Variants in IL17RA observed in about 807,000 individuals in gnomAD.
IL17RA encodes the protein interleukin-17 receptor A.
Under a neutral mutation model 50.4 loss-of-function variants are expected in IL17RA, and 34 were observed. The ratio of observed to expected loss-of-function variants is 0.67; its 90% CI spans 0.51 to 0.90. The LOEUF (loss-of-function observed/expected upper bound fraction) is 0.90, where lower values mean the gene tolerates loss of function less well. Ranked by LOEUF, IL17RA falls within the 40% of genes least tolerant of loss-of-function variation. The probability of loss-of-function intolerance (pLI) is 0.00; values close to 1 mark genes in which losing one functional copy is unlikely to be tolerated. For missense variants in IL17RA, 1,276 were observed against 1,169.8 expected (o/e 1.09, Z -1.32); for synonymous variants, 585 against 510.4 (o/e 1.15, Z -1.97).
chr22:17,106,737 T>C (rs1363500508), intron 11 of IL17RA, among the ~76,000 whole-genome samples: 1 of 152,124 alleles, frequency 6.6e-6, no homozygotes, highest in Non-Finnish European at 1.5e-5. Flanking sequence ...TTATTAATTA[T>C]TATGTGGTAG....
In IL17RA at chr22:17,102,221, T is replaced by C; in HGVS notation, c.681T>C (p.Ser227=). The change falls in exon 7 of 13, where the codon TCT becomes TCC. Residue 227 remains serine, a synonymous_variant. Transcript: ENST00000319363. ...LRVSFTLWNE[S]THYQILLTSF... The stretch of plus-strand genomic sequence containing the variant: ...TGAGCTTCACCCTGTGGAACGAATC[T>C]ACCCATTACCAGATCCTGCTGACCA... 3 of 1,614,188 alleles carry C rather than the reference T, an allele frequency of 1.9e-6. No homozygotes were observed. Among genetic ancestry groups the C allele is most frequent in the Non-Finnish European group, 2.5e-6 (3 of 1,180,024 alleles).
chr22:17,108,231 C>T, intron 12 of IL17RA, 76 bp from the exon 13 acceptor site: 12 of 1,469,012 alleles, frequency 8.2e-6, no homozygotes, highest in Non-Finnish European at 1.1e-5. Flanking sequence ...TGGTCCAGGC[C>T]CCTCCTGGGC....
chr22:17,089,286 C>T (rs151036273), intron 1 of IL17RA, among the ~76,000 whole-genome samples: 3 of 152,276 alleles, frequency 2.0e-5, no homozygotes, highest in African/African-American at 7.2e-5. Context: ...AGCAAAACTT[C>T]GTCATGCAAA....
chr22:17,090,309 C>T (rs557792971), intron 1 of IL17RA, among the ~76,000 whole-genome samples: 1 of 152,278 alleles, frequency 6.6e-6, no homozygotes, highest in East Asian at 1.9e-4. Context: ...CAGGCGTGAG[C>T]CATGAAATTA....
At chr22:17,096,726 C>G (rs1414454607) in intron 1 of IL17RA, among the ~76,000 whole-genome samples, 2 of 151,970 alleles carry the variant, frequency 1.3e-5, no homozygotes, top group Non-Finnish European at 1.5e-5. Flanking sequence ...AAAAAGTAGC[C>G]GGGCGTGGTG....
At position 17,088,895 on chromosome 22, in the gene IL17RA, A is replaced by G. The variant is rs556133679; in HGVS notation, c.138+3666A>G. 1.6e-4 allele frequency among the ~76,000 whole-genome samples: 24 copies of G among 151,318 alleles called. No individual in the cohort carries two copies. The South Asian group carries it at 5.0e-3, about 32-fold the overall frequency. The stretch of plus-strand genomic sequence containing the variant: ...ACTGCAACCTCCACTTCCCAGGCTC[A>G]AGCGATTCTCCTGCCTCAACCTCCC... On this transcript the variant is annotated intron_variant, in intron 1 of 12. Coordinates refer to ENST00000319363, the MANE Select transcript of IL17RA (RefSeq NM_014339.7).
chr22:17,090,011 T>C (rs1304319947), intron 1 of IL17RA, among the ~76,000 whole-genome samples: 2 of 152,104 alleles, frequency 1.3e-5, no homozygotes, highest in Admixed American at 1.3e-4. Flanking sequence ...TTTAAAATGT[T>C]ATGTAATTCT....
rs1340921807 is a variant in IL17RA, at chr22:17,109,127, C to T, written c.1908C>T (p.Asp636=). ...GCTCCCAGGCCTGCCTGGCCATAGA[C>T]CCGCTGGTCGGGGAGGAAGGAGGAG... ...EPGSQACLAI[D]PLVGEEGGAA... Residue 636 remains aspartate, a synonymous_variant, in exon 13 of 13, where the codon GAC becomes GAT. Coordinates refer to ENST00000319363, the MANE Select transcript of IL17RA (RefSeq NM_014339.7). 1 of 1,545,852 alleles carries T rather than the reference C, an allele frequency of 6.5e-7. No individual in the cohort carries two copies. The highest frequency in any genetic ancestry group is 1.4e-5 in the African/African-American group (1 of 73,834).
rs751816259 is a variant in IL17RA, at chr22:17,108,605, G to A, written c.1386G>A (p.Gly462=). ...AGTGGCAGGCGCTCCTGGGCCGGGG[G>A]GCGCCTGTGCGGCTGCGCTGCGACC... ...RAKWQALLGR[G]APVRLRCDHG... is the part of the protein sequence containing the mutation. Residue 462 remains glycine (G), a synonymous_variant, in exon 13 of 13, where the codon GGG becomes GGA. Transcript: ENST00000319363. 4 of 1,604,540 alleles carry A rather than the reference G, an allele frequency of 2.5e-6. No homozygotes were observed. The highest frequency in any genetic ancestry group is 2.7e-5 in the African/African-American group (2 of 74,926).
intron 1 of IL17RA, among the ~76,000 whole-genome samples, chr22:17,088,040 A>C (rs1226957601): frequency 6.6e-6 from 1 of 152,156 alleles, no homozygotes; most frequent in Non-Finnish European, 1.5e-5. Flanking sequence ...GGTGGCTCAC[A>C]AGTATTCCTT....
chr22:17,100,940 C>T (rs2061388886), intron 5 of IL17RA, among the ~76,000 whole-genome samples: 1 of 152,200 alleles, frequency 6.6e-6, no homozygotes, highest in African/African-American at 2.4e-5. Flanking sequence ...CTCCCCATGC[C>T]TATCCACACT....
chr22:17,096,154 G>C (rs752974610), intron 1 of IL17RA, among the ~76,000 whole-genome samples: 1 of 152,116 alleles, frequency 6.6e-6, no homozygotes, highest in African/African-American at 2.4e-5. Flanking sequence ...CCTTCCTAAT[G>C]GTTACATTTC....
In IL17RA at chr22:17,111,375, G is replaced by C. The variant is rs1366780524; in HGVS notation, c.*1555G>C. On this transcript the variant is annotated 3_prime_UTR_variant, in exon 13 of 13. Coordinates refer to ENST00000319363, the MANE Select transcript of IL17RA (RefSeq NM_014339.7). Reference sequence around the variant, plus strand: ...CTGGGCTGGAGCTCCCCTGAGCTCAGGAAGCCCCAGGGTGCAAGGGCAAGG... The same window carrying C: ...CTGGGCTGGAGCTCCCCTGAGCTCACGAAGCCCCAGGGTGCAAGGGCAAGG... 1 of 152,230 alleles carries C rather than the reference G, an allele frequency of 6.6e-6. No homozygotes were observed. Among genetic ancestry groups the C allele is most frequent in the Non-Finnish European group, 1.5e-5 (1 of 68,060 alleles). The allele number at this position is 152,230 out of a possible 1,614,324, so 9.4% of individuals were successfully genotyped here.
rs1041559853 is a variant in IL17RA at position 17,092,678 on chromosome 22, T to C, written c.139-4384T>C. 3.3e-5 allele frequency among the ~76,000 whole-genome samples: 5 copies of C among 152,190 alleles called. No homozygotes were observed. In the South Asian group the frequency reaches 1.0e-3, roughly 32 times the overall value. On this transcript the variant is annotated intron_variant, in intron 1 of 12. Transcript: ENST00000319363. ...GGGCAGAGGAAAAATACAGCTTGAG[T>C]TTTTCCACACTCTCGGGGAATATGT...
rs1252669485 is a variant in IL17RA, at chr22:17,114,106, A to G, written c.*4286A>G. The G allele has an allele frequency of 6.6e-6, 1 of 152,232 alleles. No individual in the cohort carries two copies. The highest frequency in any genetic ancestry group is 1.5e-5 in the Non-Finnish European group (1 of 68,054). The allele number at this position is 152,232 out of a possible 1,614,324, so 9.4% of individuals were successfully genotyped here. A position where few individuals can be genotyped will look rare whatever the true frequency, so the allele number is the denominator to read the frequency against. ...TGAGTGAACATGTCCATTGTGGAAA[A>G]ATGGCAACAATATGGATTCCATGGG... is the stretch of plus-strand genomic sequence containing the variant. On this transcript the variant is annotated 3_prime_UTR_variant, in exon 13 of 13. Transcript: ENST00000319363.
rs1249764755 is a variant in IL17RA, at chr22:17,109,088, G to A, written c.1869G>A (p.Leu623=). 1 of 1,568,746 alleles carries A rather than the reference G, an allele frequency of 6.4e-7. No homozygotes were observed. The highest frequency in any genetic ancestry group is 1.1e-5 in the South Asian group (1 of 87,304). The part of the protein sequence containing the change: ...PGTGIVKRAP[L]VREPGSQACL... ...CCGGCATCGTGAAGCGGGCGCCCCT[G>A]GTGCGCGAGCCTGGCTCCCAGGCCT... The change falls in exon 13 of 13, where the codon CTG becomes CTA. Residue 623 remains leucine (L), a synonymous_variant. Transcript: ENST00000319363.
At chr22:17,089,567 A>G (rs1057489946) in intron 1 of IL17RA, among the ~76,000 whole-genome samples, 6 of 152,178 alleles carry the variant, frequency 3.9e-5, no homozygotes, top group African/African-American at 1.4e-4. Flanking sequence ...CTCATAGATA[A>G]TATTCTGATT....
Position 17,108,524 on chromosome 22 carries a change from G to A in IL17RA, c.1305G>A (p.Glu435=). 1 of 1,611,428 alleles carries A rather than the reference G, an allele frequency of 6.2e-7. No homozygotes were observed. The highest frequency in any genetic ancestry group is 2.2e-5 in the East Asian group (1 of 44,874). ...CCTGGGTGGGCCGTCAGAAGCAGGA[G>A]ATGGTGGAGAGCAACTCTAAGATCA... ...VMTWVGRQKQ[E]MVESNSKIIV... The change falls in exon 13 of 13, where the codon GAG becomes GAA. Residue 435 remains glutamate, a synonymous_variant. Coordinates refer to ENST00000319363, the MANE Select transcript of IL17RA (RefSeq NM_014339.7).
chr22:17,104,998 G>A (rs2061408395), intron 9 of IL17RA, among the ~76,000 whole-genome samples, 188 bp downstream of exon 9: 1 of 152,168 alleles, frequency 6.6e-6, no homozygotes. Context: ...TGGACTCCTG[G>A]CTGTCTTTCA....
Sources: allele counts gnomAD v4.1 joint callset (sites outside exome capture counted in the v4.1 genomes callset), GRCh38; gene constraint gnomAD v4.1.1; transcripts MANE v1.5; gene names NCBI Gene and HGNC (gene_info 2026-07-23, HGNC 2026-07-21).